ANKS1A: variants seen among roughly 807,000 people sequenced by gnomAD.
The protein encoded by ANKS1A is ankyrin repeat and SAM domain-containing protein 1A.
ANKS1A carries 55 observed loss-of-function variants against 120.3 expected under a neutral mutation model. The observed-to-expected ratio is 0.46, with a 90% CI of 0.37 to 0.57. The LOEUF (loss-of-function observed/expected upper bound fraction) is 0.57, where lower values mean the gene tolerates loss of function less well. Ranked by LOEUF, ANKS1A falls within the 20% of genes least tolerant of loss-of-function variation. The probability of loss-of-function intolerance (pLI) is 0.00; values close to 1 mark genes in which losing one functional copy is unlikely to be tolerated. For missense variants in ANKS1A, 1,123 were observed against 1,480.3 expected, an observed-to-expected ratio of 0.76 and a Z score of 3.96; for synonymous variants, 590 against 604.7, an observed-to-expected ratio of 0.98 and a Z score of 0.36.
intron 1 of ANKS1A, among the ~76,000 whole-genome samples, chr6:34,912,323 A>G (rs1474559170): frequency 6.6e-6 from 1 of 152,194 alleles, no homozygotes; most frequent in Non-Finnish European, 1.5e-5. Flanking sequence ...ACCTGTGTAG[A>G]CTGTGTCCTC....
At chr6:34,890,678 C>A (rs966128585) in intron 1 of ANKS1A, among the ~76,000 whole-genome samples, 1 of 152,118 alleles carries the variant, frequency 6.6e-6, no homozygotes. Flanking sequence ...TTTTGTGTGG[C>A]TTCGAAGGGG....
At chr6:34,890,524 T>C (rs547410009) in intron 1 of ANKS1A, among the ~76,000 whole-genome samples, 21 of 152,356 alleles carry the variant, frequency 1.4e-4, no homozygotes, top group Middle Eastern at 3.4e-3. Context: ...AAGTGGCATA[T>C]GCAGGATTCA....
chr6:34,997,314 A>T (rs1217919826), intron 10 of ANKS1A, among the ~76,000 whole-genome samples: 1 of 150,544 alleles, frequency 6.6e-6, no homozygotes, highest in Non-Finnish European at 1.5e-5. Flanking sequence ...CTCCTGCCTC[A>T]GCCTCTCATG....
intron 1 of ANKS1A, among the ~76,000 whole-genome samples, chr6:34,900,459 T>C (rs558634952): frequency 6.6e-6 from 1 of 152,122 alleles, no homozygotes; most frequent in South Asian, 2.1e-4. Context: ...CTGTTTTTTT[T>C]TTAATAACAA....
chr6:34,947,305 CCTG>C (rs1189097805), intron 1 of ANKS1A, among the ~76,000 whole-genome samples: 5 of 151,868 alleles, frequency 3.3e-5, no homozygotes, highest in African/African-American at 1.2e-4. Flanking sequence ...CGCCACCATG[CCTG>C]ACTAATTTAT....
At chr6:35,083,548 C>A in intron 20 of ANKS1A, 45 bp downstream of exon 20, 2 of 1,583,008 alleles carry the variant, frequency 1.3e-6, no homozygotes, top group Non-Finnish European at 1.7e-6. Flanking sequence ...GACCCACATC[C>A]CCGTCAGACC....
chr6:34,962,461 C>T (rs1382722871), intron 1 of ANKS1A, among the ~76,000 whole-genome samples: 1 of 152,034 alleles, frequency 6.6e-6, no homozygotes. Flanking sequence ...TATATATTAC[C>T]TCACATATCA....
At chr6:34,943,617 C>T (rs1561862433) in intron 1 of ANKS1A, among the ~76,000 whole-genome samples, 1 of 152,172 alleles carries the variant, frequency 6.6e-6, no homozygotes, top group Non-Finnish European at 1.5e-5. Context: ...CCATGGCAGG[C>T]ACTGATCTTC....
intron 1 of ANKS1A, among the ~76,000 whole-genome samples, chr6:34,943,727 TAAGATTTCTCG>T (rs1344295401): frequency 6.6e-6 from 1 of 152,216 alleles, no homozygotes; most frequent in Non-Finnish European, 1.5e-5. Context: ...AATATGCATT[TAAGATTTCTCG>T]AAGTCTTTTT....
chr6:34,946,460 TGC>T (rs1769802187), intron 1 of ANKS1A, among the ~76,000 whole-genome samples: 1 of 151,996 alleles, frequency 6.6e-6, no homozygotes, highest in African/African-American at 2.4e-5. Context: ...TGGTGGTGTG[TGC>T]CTTTAGTCCC....
intron 11 of ANKS1A, 56 bp from the exon 12 acceptor site, chr6:35,054,043 G>A (rs1776088059): frequency 6.7e-7 from 1 of 1,501,014 alleles, no homozygotes; most frequent in South Asian, 1.1e-5. Context: ...TGGTGAGCTG[G>A]TAAGGTTTAC....
intron 13 of ANKS1A, among the ~76,000 whole-genome samples, chr6:35,066,925 G>A (rs999847306): frequency 2.6e-5 from 4 of 152,316 alleles, no homozygotes; most frequent in Admixed American, 6.5e-5. Flanking sequence ...GCCACTGAGC[G>A]CCTGATTCCT....
chr6:35,088,720 C>G lies in ANKS1A; in HGVS notation c.*111C>G. On this transcript the variant is annotated 3_prime_UTR_variant, in exon 24 of 24. Coordinates refer to ENST00000360359, the MANE Select transcript of ANKS1A (RefSeq NM_015245.3). ...AGCTCTGAAGACCCAGGCCTCACCT[C>G]CGCCTGCAGGACCTCCTCTTGGCCA... 1 of 1,609,110 alleles carries G rather than the reference C, an allele frequency of 6.2e-7. No individual in the cohort carries two copies. Among genetic ancestry groups the G allele is most frequent in the South Asian group, 1.1e-5 (1 of 90,774 alleles).
chr6:34,912,259 T>G (rs1767941491), intron 1 of ANKS1A, among the ~76,000 whole-genome samples: 1 of 152,232 alleles, frequency 6.6e-6, no homozygotes, highest in South Asian at 2.1e-4. Context: ...GTTTATTTAT[T>G]TGTTGGTTCT....
chr6:35,029,741 ATT>A (rs1365662009), intron 11 of ANKS1A, among the ~76,000 whole-genome samples: 1 of 148,390 alleles, frequency 6.7e-6, no homozygotes, highest in Non-Finnish European at 1.5e-5. Flanking sequence ...CATTATATAT[ATT>A]ATTACATATA....
At chr6:34,967,620 C>T (rs1770967454) in intron 2 of ANKS1A, among the ~76,000 whole-genome samples, 1 of 151,926 alleles carries the variant, frequency 6.6e-6, no homozygotes, top group Non-Finnish European at 1.5e-5. Context: ...ATTGCTTAAG[C>T]CCAGGAGTTT....
the ANKS1A span, among the ~76,000 whole-genome samples, chr6:35,096,460 A>C: frequency 6.6e-5 from 10 of 152,212 alleles, no homozygotes; most frequent in Non-Finnish European, 1.3e-4. Context: ...TGCCTAATTT[A>C]ATAGTGTGTT....
Position 35,088,978 on chromosome 6 carries a change from G to A in ANKS1A, c.*369G>A. The A allele has an allele frequency of 8.3e-7, 1 of 1,203,888 alleles. No individual in the cohort carries two copies. The highest frequency in any genetic ancestry group is 1.0e-6 in the Non-Finnish European group (1 of 956,982). 74.6% of individuals were successfully genotyped at this position (1,203,888 alleles called of 1,614,324 possible). A position where few individuals can be genotyped will look rare whatever the true frequency, so the allele number is the denominator to read the frequency against. On this transcript the variant is annotated 3_prime_UTR_variant, in exon 24 of 24. Coordinates refer to ENST00000360359, the MANE Select transcript of ANKS1A (RefSeq NM_015245.3). ...TCTTTAGACAAATGGCCATGGGGCAGAGGACAGGGGAGCTGAGGTTGGTTC... is the reference window on the plus strand; with the variant it reads ...TCTTTAGACAAATGGCCATGGGGCAAAGGACAGGGGAGCTGAGGTTGGTTC...
At chr6:34,966,262 A>C (rs1414308398) in intron 1 of ANKS1A, among the ~76,000 whole-genome samples, 1 of 152,214 alleles carries the variant, frequency 6.6e-6, no homozygotes, top group Non-Finnish European at 1.5e-5. Flanking sequence ...AATTAAGTTT[A>C]CTCCAAGAAT....
Sources: allele counts gnomAD v4.1 joint callset (sites outside exome capture counted in the v4.1 genomes callset), GRCh38; gene constraint gnomAD v4.1.1; transcripts MANE v1.5; gene names NCBI Gene and HGNC (gene_info 2026-07-23, HGNC 2026-07-21).